The following CLVS1 variants were observed in gnomAD, a reference collection of about 807,000 sequenced individuals.
CLVS1 encodes the protein clavesin 1, also known as clavesin-1.
A neutral mutation model predicts 33.1 loss-of-function variants in CLVS1; 10 were observed. The observed-to-expected ratio is 0.30, with a 90% CI of 0.19 to 0.51. The LOEUF is 0.51. Among genes scored for constraint, CLVS1 ranks in the 20% least tolerant of loss-of-function variants. CLVS1 has a pLI of 0.97. For synonymous variants in CLVS1, 163 were observed against 166.1 expected (o/e 0.98, Z 0.14); for missense variants, 343 against 433.4 (o/e 0.79, Z 1.85).
intron 2 of CLVS1, among the ~76,000 whole-genome samples, chr8:61,352,363 C>G (rs1812504726): frequency 6.6e-6 from 1 of 151,610 alleles, no homozygotes. Flanking sequence ...CAGAAGAAAA[C>G]AGAAACAGAG....
intron 2 of CLVS1, among the ~76,000 whole-genome samples, chr8:61,190,230 T>G (rs2978503): frequency 3.9e-5 from 6 of 151,980 alleles, no homozygotes; most frequent in Non-Finnish European, 5.9e-5. Flanking sequence ...CACTCCAAAC[T>G]GCTCAACTAC....
intron 2 of CLVS1, among the ~76,000 whole-genome samples, chr8:61,141,067 T>C (rs937673107): frequency 6.6e-6 from 1 of 152,218 alleles, no homozygotes; most frequent in African/African-American, 2.4e-5. Context: ...ATTTCACTTA[T>C]CTGCGCTCAT....
the CLVS1 span, among the ~76,000 whole-genome samples, chr8:61,016,358 T>A: frequency 1.3e-5 from 2 of 152,240 alleles, no homozygotes; most frequent in African/African-American, 4.8e-5. Context: ...AAGTGTCTTA[T>A]GGGTCATAAC....
chr8:61,350,520 C>T (rs569433756), intron 2 of CLVS1, among the ~76,000 whole-genome samples: 1 of 152,232 alleles, frequency 6.6e-6, no homozygotes, highest in Non-Finnish European at 1.5e-5. Flanking sequence ...TTTTTGGATC[C>T]TGAATGGCAG....
chr8:61,139,289 G>A (rs1806259979), intron 2 of CLVS1, among the ~76,000 whole-genome samples: 1 of 152,250 alleles, frequency 6.6e-6, no homozygotes, highest in African/African-American at 2.4e-5. Context: ...CCAGCTCCGT[G>A]GCGGCTCCAA....
chr8:61,245,011 T>C (rs918868458), intron 2 of CLVS1, among the ~76,000 whole-genome samples: 2 of 152,192 alleles, frequency 1.3e-5, no homozygotes, highest in Non-Finnish European at 2.9e-5. Flanking sequence ...TCAGAATTTT[T>C]ATATCTTTCT....
intron 2 of CLVS1, among the ~76,000 whole-genome samples, chr8:61,228,755 C>T (rs767006303): frequency 7.3e-4 from 111 of 152,156 alleles, no homozygotes; most frequent in Non-Finnish European, 2.9e-4. Flanking sequence ...TAGTATTCCA[C>T]TGTGTACATG....
chr8:61,179,787 A>G (rs1051651026), intron 2 of CLVS1, among the ~76,000 whole-genome samples: 2 of 152,246 alleles, frequency 1.3e-5, no homozygotes, highest in Non-Finnish European at 2.9e-5. Context: ...ACGTTCTTGG[A>G]AACCAATGAG....
chr8:61,299,940 C>G lies in CLVS1; in HGVS notation c.113C>G (p.Ala38Gly). ...CTCAGTCCAGAGACTATAGAGAAAG[C>G]TCGCCTGGAACTGAATGAAAACCCC... is the stretch of plus-strand genomic sequence containing the variant. The part of the protein sequence containing the change: ...AGLSPETIEK[A>G]RLELNENPDV... Residue 38 changes from alanine to glycine, a missense_variant, in exon 2 of 6, where the codon GCT becomes GGT. This residue lies in a region of CLVS1 where 88 missense variants were observed against 77.3 expected (regional missense o/e 1.14). Coordinates refer to ENST00000325897, the MANE Select transcript of CLVS1 (RefSeq NM_173519.3). 1 of 1,614,016 alleles carries G rather than the reference C, an allele frequency of 6.2e-7. No individual in the cohort carries two copies. The highest frequency in any genetic ancestry group is 1.1e-5 in the South Asian group (1 of 91,074).
chr8:61,183,165 G>A (rs1004745173), intron 2 of CLVS1, among the ~76,000 whole-genome samples: 1 of 151,920 alleles, frequency 6.6e-6, no homozygotes, highest in African/African-American at 2.4e-5. Context: ...AGGGGGGCAG[G>A]CACAAGTGGA....
chr8:61,076,348 G>A (rs931124825), intron 1 of CLVS1, among the ~76,000 whole-genome samples: 2 of 152,142 alleles, frequency 1.3e-5, no homozygotes, highest in Non-Finnish European at 2.9e-5. Flanking sequence ...GGACCTCTTT[G>A]TCTCTCCTTA....
chr8:61,110,562 A>G (rs1236338875), intron 1 of CLVS1, among the ~76,000 whole-genome samples: 1 of 152,212 alleles, frequency 6.6e-6, no homozygotes, highest in East Asian at 1.9e-4. Flanking sequence ...GCAACATAAA[A>G]TGTACCATCT....
chr8:61,027,692 C>T, the CLVS1 span, among the ~76,000 whole-genome samples: 1 of 152,092 alleles, frequency 6.6e-6, no homozygotes, highest in Admixed American at 6.5e-5. Context: ...TGTCTCTCCC[C>T]CTCCCCATTT....
intron 1 of CLVS1, among the ~76,000 whole-genome samples, chr8:61,074,494 T>A (rs1228534374): frequency 6.7e-6 from 1 of 148,198 alleles, no homozygotes; most frequent in Admixed American, 6.8e-5. Flanking sequence ...TATGTGTATA[T>A]ATATATGTGT....
chr8:61,236,523 A>G (rs574440214), intron 2 of CLVS1, among the ~76,000 whole-genome samples: 2 of 152,300 alleles, frequency 1.3e-5, no homozygotes, highest in South Asian at 2.1e-4. Flanking sequence ...GGGACCCAGA[A>G]GTCTAACCAA....
intron 3 of CLVS1, among the ~76,000 whole-genome samples, chr8:61,395,040 T>C (rs747591639): frequency 6.3e-4 from 96 of 152,228 alleles, no homozygotes; most frequent in Non-Finnish European, 2.5e-4. Flanking sequence ...TTTCTTGCTA[T>C]GGCGTTGCTT....
At chr8:61,063,863 C>A (rs1459897104) in intron 1 of CLVS1, among the ~76,000 whole-genome samples, 2 of 152,130 alleles carry the variant, frequency 1.3e-5, no homozygotes, top group Non-Finnish European at 2.9e-5. Flanking sequence ...AACTCTGTAC[C>A]CATTAACCAA....
chr8:61,481,785 A>G (rs1009895215), intron 5 of CLVS1, among the ~76,000 whole-genome samples: 1 of 152,244 alleles, frequency 6.6e-6, no homozygotes, highest in Non-Finnish European at 1.5e-5. Context: ...GGTATAGCTG[A>G]ATAAAATGCA....
intron 2 of CLVS1, among the ~76,000 whole-genome samples, chr8:61,352,071 T>C (rs1812494692): frequency 6.6e-6 from 1 of 152,052 alleles, no homozygotes; most frequent in African/African-American, 2.4e-5. Context: ...TCATATTTGA[T>C]GATTGAAACA....
Sources: gnomAD v4.1 joint callset for allele counts (sites outside exome capture counted in the v4.1 genomes callset) on GRCh38, gnomAD v4.1.1 for gene constraint, gnomAD v4.1.1 regional missense constraint, MANE v1.5 for transcripts, NCBI Gene and HGNC (gene_info 2026-07-23, HGNC 2026-07-21) for gene names.